The following CNTNAP2 variants were observed in gnomAD, a reference collection of about 807,000 sequenced individuals.
CNTNAP2 encodes contactin-associated protein-like 2.
Under a neutral mutation model 155.2 loss-of-function variants are expected in CNTNAP2, and 98 were observed. That is an observed-to-expected ratio of 0.63 (90% CI 0.54 to 0.75). The LOEUF (loss-of-function observed/expected upper bound fraction) is 0.75, where lower values mean the gene tolerates loss of function less well. Ranked by LOEUF, CNTNAP2 falls within the 30% of genes least tolerant of loss-of-function variation. The pLI is 0.00. For missense variants in CNTNAP2, 1,727 were observed against 1,688.1 expected, an observed-to-expected ratio of 1.02 and a Z score of -0.40; for synonymous variants, 651 against 631.2, an observed-to-expected ratio of 1.03 and a Z score of -0.47.
intron 1 of CNTNAP2, among the ~76,000 whole-genome samples, chr7:146,559,336 G>A (rs922299668): frequency 4.6e-5 from 7 of 152,068 alleles, no homozygotes; most frequent in African/African-American, 7.2e-5. Flanking sequence ...TTGAGAGGCC[G>A]AGGTGGGCAG....
At position 146,772,502 on chromosome 7, in the gene CNTNAP2, C is replaced by CAAAAAA. The variant is rs71165037; in HGVS notation, c.98-1756_98-1751dup. Among the ~76,000 whole-genome samples, 34 of 96,234 alleles carry CAAAAAA rather than the reference C, an allele frequency of 3.5e-4. 1 individual carries two copies. Among genetic ancestry groups the CAAAAAA allele is most frequent in the Non-Finnish European group, 6.5e-4 (27 of 41,590 alleles). The allele number at this position is 96,234 out of a possible 152,430, so 63.1% of individuals were successfully genotyped here. On this transcript the variant is annotated intron_variant, in intron 1 of 23. Transcript: ENST00000361727. ...TGAAACCCCGTCTCTACTGAAAATA[C>CAAAAAA]AAAAAAAAAAAAAAAAAATAGCTGT...
intron 1 of CNTNAP2, among the ~76,000 whole-genome samples, chr7:146,650,002 G>C (rs1470414023): frequency 1.3e-5 from 2 of 152,148 alleles, no homozygotes; most frequent in Non-Finnish European, 1.5e-5. Context: ...TCATCAAAAT[G>C]TCAGGAAACA....
At chr7:146,306,675 A>G (rs1800718740) in intron 1 of CNTNAP2, among the ~76,000 whole-genome samples, 1 of 152,196 alleles carries the variant, frequency 6.6e-6, no homozygotes, top group Non-Finnish European at 1.5e-5. Flanking sequence ...AGGCTGGTTC[A>G]ACATACACAA....
rs565178626 is a variant in CNTNAP2, at chr7:147,050,249, A to T, written c.550+6195A>T. 1.2e-4 allele frequency among the ~76,000 whole-genome samples: 18 copies of T among 152,306 alleles called. No homozygotes were observed. The South Asian group carries it at 3.7e-3, about 32-fold the overall frequency. On this transcript the variant is annotated intron_variant, in intron 4 of 23. Coordinates refer to ENST00000361727, the MANE Select transcript of CNTNAP2 (RefSeq NM_014141.6). ...AAGCAAAAGGAAGAGGTCTCAGATT[A>T]ATAATTTCAAAAAATCATTTATGGC...
chr7:147,460,660 A>T (rs1327245379), intron 10 of CNTNAP2, among the ~76,000 whole-genome samples: 1 of 152,096 alleles, frequency 6.6e-6, no homozygotes, highest in Non-Finnish European at 1.5e-5. Context: ...TATTCTCAAA[A>T]AGATTCTTCA....
intron 1 of CNTNAP2, among the ~76,000 whole-genome samples, chr7:146,438,283 G>C (rs1231978509): frequency 9.4e-6 from 1 of 106,570 alleles, no homozygotes; most frequent in Non-Finnish European, 1.8e-5. Flanking sequence ...ATCCATAGAA[G>C]CTTTTTTTTT....
At chr7:148,054,152 T>G (rs1353830626) in intron 15 of CNTNAP2, among the ~76,000 whole-genome samples, 1 of 152,018 alleles carries the variant, frequency 6.6e-6, no homozygotes, top group Admixed American at 6.6e-5. Flanking sequence ...TTTTGTATTT[T>G]TAGTAGAGAC....
At chr7:147,139,330 A>G (rs1015395057) in intron 8 of CNTNAP2, among the ~76,000 whole-genome samples, 2 of 152,128 alleles carry the variant, frequency 1.3e-5, no homozygotes, top group African/African-American at 2.4e-5. Flanking sequence ...ATGGATTTAC[A>G]TAGTAGAGAT....
chr7:147,880,515 T>C (rs1799501544), intron 13 of CNTNAP2, among the ~76,000 whole-genome samples: 1 of 151,644 alleles, frequency 6.6e-6, no homozygotes. Context: ...ACTGAAGGCC[T>C]GAATATGGAT....
Position 147,616,634 on chromosome 7 carries a change from A to G in CNTNAP2, c.1898-22472A>G, listed in dbSNP as rs573645320. 5.3e-4 allele frequency among the ~76,000 whole-genome samples: 81 copies of G among 152,186 alleles called. 1 individual carries two copies. The South Asian group carries it at 0.016, about 30-fold the overall frequency. On this transcript the variant is annotated intron_variant, in intron 12 of 23. Transcript: ENST00000361727. ...TCAAATATTAGGATCTCCCTTACCA[A>G]TCTGCCTGAAATGGTCTCTCTCACT...
At chr7:147,329,397 A>G (rs1795516906) in intron 9 of CNTNAP2, among the ~76,000 whole-genome samples, 1 of 152,066 alleles carries the variant, frequency 6.6e-6, no homozygotes, top group Non-Finnish European at 1.5e-5. Context: ...ATTTATATAT[A>G]CATTCTTATA....
At chr7:146,242,673 T>C (rs1176405637) in intron 1 of CNTNAP2, among the ~76,000 whole-genome samples, 2 of 151,214 alleles carry the variant, frequency 1.3e-5, no homozygotes, top group Non-Finnish European at 2.9e-5. Flanking sequence ...ACTTTTGATA[T>C]TGGATTGATT....
chr7:146,978,335 G>A (rs1056657353), intron 3 of CNTNAP2, among the ~76,000 whole-genome samples: 8 of 152,090 alleles, frequency 5.3e-5, no homozygotes, highest in Non-Finnish European at 4.4e-5. Context: ...TCAACCCAGC[G>A]CTGTGCCAGG....
chr7:146,475,324 A>C (rs1796862010), intron 1 of CNTNAP2, among the ~76,000 whole-genome samples: 1 of 152,194 alleles, frequency 6.6e-6, no homozygotes, highest in African/African-American at 2.4e-5. Context: ...AGAAGATATG[A>C]ATTGGTAGAA....
chr7:146,569,165 C>T (rs1333276903), intron 1 of CNTNAP2, among the ~76,000 whole-genome samples: 2 of 152,074 alleles, frequency 1.3e-5, no homozygotes, highest in East Asian at 1.9e-4. Flanking sequence ...TACAGGCGCC[C>T]ACCACCACGC....
chr7:146,971,946 A>T, intron 3 of CNTNAP2, among the ~76,000 whole-genome samples: 1 of 152,214 alleles, frequency 6.6e-6, no homozygotes, highest in East Asian at 1.9e-4. Flanking sequence ...CTTCGATGCT[A>T]TAGCTAGACT....
chr7:148,193,690 C>G (rs1562990517), intron 18 of CNTNAP2, among the ~76,000 whole-genome samples: 1 of 152,100 alleles, frequency 6.6e-6, no homozygotes, highest in Non-Finnish European at 1.5e-5. Context: ...ATTCCACACA[C>G]TCCATGGTCC....
chr7:147,542,769 A>G (rs1191931102), intron 11 of CNTNAP2, among the ~76,000 whole-genome samples: 2 of 152,168 alleles, frequency 1.3e-5, no homozygotes, highest in East Asian at 3.8e-4. Flanking sequence ...TGTGCTCTGA[A>G]GTTATTTCTC....
chr7:147,609,392 A>T (rs1309974862), intron 12 of CNTNAP2, among the ~76,000 whole-genome samples: 1 of 152,084 alleles, frequency 6.6e-6, no homozygotes, highest in Non-Finnish European at 1.5e-5. Context: ...TTAGCCAGGC[A>T]TGGTGGCGGG....
Sources: gnomAD v4.1 joint callset for allele counts (sites outside exome capture counted in the v4.1 genomes callset) on GRCh38, gnomAD v4.1.1 for gene constraint, MANE v1.5 for transcripts, NCBI Gene and HGNC (gene_info 2026-07-23, HGNC 2026-07-21) for gene names.